The following DAB2IP variants were observed in gnomAD, a reference collection of about 807,000 sequenced individuals.
The protein encoded by DAB2IP is disabled homolog 2-interacting protein.
In DAB2IP, 28 loss-of-function variants were observed where a neutral mutation model predicts 107.2. The observed-to-expected ratio is 0.26, with a 90% CI of 0.19 to 0.36. The LOEUF is 0.36. DAB2IP is among the 10% of genes least tolerant of loss of function. The pLI, the probability that DAB2IP is intolerant of heterozygous loss-of-function variation, is 1.00. For missense variants in DAB2IP, 1,400 were observed against 1,644.7 expected, an observed-to-expected ratio of 0.85 and a Z score of 2.57; for synonymous variants, 755 against 706.4, an observed-to-expected ratio of 1.07 and a Z score of -1.09.
chr9:121,780,437 C>G (rs540746243), intron 14 of DAB2IP, among the ~76,000 whole-genome samples: 1 of 152,180 alleles, frequency 6.6e-6, no homozygotes, highest in Non-Finnish European at 1.5e-5. Flanking sequence ...CAGTGGCTCC[C>G]TGTGTGTCTT....
At chr9:121,752,256 G>T (rs1373033977) in intron 3 of DAB2IP, among the ~76,000 whole-genome samples, 1 of 148,742 alleles carries the variant, frequency 6.7e-6, no homozygotes, top group African/African-American at 2.6e-5. Context: ...GGCCTTCTTC[G>T]TCCCTCCTCC....
chr9:121,569,793 C>A (rs1829891669), intron 1 of DAB2IP, among the ~76,000 whole-genome samples: 1 of 152,222 alleles, frequency 6.6e-6, no homozygotes, highest in South Asian at 2.1e-4. Flanking sequence ...TGCACTCCAG[C>A]CTGGGCGACA....
rs1376909669 is a variant in DAB2IP at position 121,781,553 on chromosome 9, T to TG, written c.3402+7dup. 3.7e-6 allele frequency: 6 copies of TG among 1,613,366 alleles called. No individual in the cohort carries two copies. The highest frequency in any genetic ancestry group is 8.5e-7 in the Non-Finnish European group (1 of 1,179,900). ...AAACAGAAGATCATTGATGCCCAGGTGGGGGCTCCGGCCCTTTGGTCAGCC... is the reference window on the plus strand; with the variant it reads ...AAACAGAAGATCATTGATGCCCAGGTGGGGGGCTCCGGCCCTTTGGTCAGCC... On this transcript the variant is annotated splice_region_variant and intron_variant, in intron 15 of 15. Transcript: ENST00000408936.
intron 2 of DAB2IP, among the ~76,000 whole-genome samples, chr9:121,690,233 T>C (rs1045095267): frequency 2.2e-4 from 33 of 152,192 alleles, no homozygotes; most frequent in African/African-American, 8.0e-4. Flanking sequence ...TTGCCACTCA[T>C]GCAGTGCACA....
At position 121,760,568 on chromosome 9, in the gene DAB2IP, C is replaced by T. The variant is rs1833815533; in HGVS notation, c.1170+129C>T. ...GCACCGGTCACTACCAGAAGGGCTC[C>T]CTAAACCCAAAAGTTCTATCGTGGG... is the stretch of plus-strand genomic sequence containing the variant. On this transcript the variant is annotated intron_variant, in intron 6 of 15. Coordinates refer to ENST00000408936, the Ensembl canonical transcript of DAB2IP. This position sits in a 1 kb window ranked among gnomAD's most constrained non-coding sequence, Gnocchi z 5.9. 1 of 1,180,200 alleles carries T rather than the reference C, an allele frequency of 8.5e-7. No homozygotes were observed. The highest frequency in any genetic ancestry group is 1.2e-6 in the Non-Finnish European group (1 of 868,532). The allele number at this position is 1,180,200 out of a possible 1,614,324, so 73.1% of individuals were successfully genotyped here. A position where few individuals can be genotyped will look rare whatever the true frequency, so the allele number is the denominator to read the frequency against.
At chr9:121,678,810 C>G in intron 2 of DAB2IP, 29 bp downstream of exon 2, 1 of 1,533,626 alleles carries the variant, frequency 6.5e-7, no homozygotes, top group Non-Finnish European at 8.8e-7. Context: ...CCAACACCGC[C>G]ACTGCCACCA....
In DAB2IP at chr9:121,699,348, G is replaced by T; in HGVS notation, c.252G>T (p.Lys84Asn). Residue 84 changes from lysine to asparagine, a missense_variant, in exon 3 of 16, where the codon AAG becomes AAT. Lys to Asn is a moderately conservative substitution (Grantham distance 94). This residue lies in a region of DAB2IP where 283 missense variants were observed against 237.0 expected (regional missense o/e 1.19). Transcript: ENST00000408936. This position sits in a 1 kb window ranked among gnomAD's most constrained non-coding sequence, Gnocchi z 6.2. ...AGGGCTTCCTCAGCCGCCGCCTCAA[G>T]GGCTCCATCAAGCGCACCAAGAGCC... 1 of 1,463,530 alleles carries T rather than the reference G, an allele frequency of 6.8e-7. No individual in the cohort carries two copies. The highest frequency in any genetic ancestry group is 3.1e-5 in the East Asian group (1 of 32,598). 90.7% of individuals were successfully genotyped at this position (1,463,530 alleles called of 1,614,324 possible).
chr9:121,654,305 G>A (rs1218549444), intron 1 of DAB2IP, among the ~76,000 whole-genome samples: 1 of 152,118 alleles, frequency 6.6e-6, no homozygotes, highest in Non-Finnish European at 1.5e-5. Context: ...GGGTGGGGAA[G>A]AGCAGGCAAC....
At chr9:121,778,042 G>C (rs1340100715) in intron 14 of DAB2IP, among the ~76,000 whole-genome samples, 2 of 152,126 alleles carry the variant, frequency 1.3e-5, no homozygotes, top group African/African-American at 4.8e-5. Flanking sequence ...AGGTACCTTA[G>C]ACTGGGTAAT....
chr9:121,672,189 G>A (rs947379268), intron 1 of DAB2IP, among the ~76,000 whole-genome samples: 9 of 152,150 alleles, frequency 5.9e-5, no homozygotes, highest in African/African-American at 2.2e-4. Flanking sequence ...TGGCATCTGA[G>A]ACTTTTAATT....
chr9:121,588,547 A>G (rs1427913248), intron 1 of DAB2IP, among the ~76,000 whole-genome samples: 38 of 99,978 alleles, frequency 3.8e-4, no homozygotes, highest in African/African-American at 1.2e-3. Flanking sequence ...GGGAAAGGGG[A>G]AGGGTGAAGG....
chr9:121,699,482 T>C lies in DAB2IP; in HGVS notation c.362+24T>C. Reference sequence around the variant, plus strand: ...AGGTGAGCCCGCCGCCGCCGCCCGGTCCCCCGCGCCGCCGCCCCGGGCTGC... The same window carrying C: ...AGGTGAGCCCGCCGCCGCCGCCCGGCCCCCCGCGCCGCCGCCCCGGGCTGC... On this transcript the variant is annotated intron_variant, in intron 3 of 15. Transcript: ENST00000408936. This position sits in a 1 kb window ranked among gnomAD's most constrained non-coding sequence, Gnocchi z 6.2. The C allele has an allele frequency of 1.6e-6, 2 of 1,279,468 alleles. No individual in the cohort carries two copies. The highest frequency in any genetic ancestry group is 2.0e-6 in the Non-Finnish European group (2 of 1,010,034). 79.3% of individuals were successfully genotyped at this position (1,279,468 alleles called of 1,614,324 possible).
At chr9:121,636,062 C>T (rs1832076702) in intron 1 of DAB2IP, among the ~76,000 whole-genome samples, 1 of 152,142 alleles carries the variant, frequency 6.6e-6, no homozygotes, top group Non-Finnish European at 1.5e-5. Context: ...TGCCACCATG[C>T]CCAGCTAATT....
At chr9:121,617,356 T>C (rs377758308) in intron 1 of DAB2IP, among the ~76,000 whole-genome samples, 7 of 151,502 alleles carry the variant, frequency 4.6e-5, no homozygotes, top group East Asian at 3.9e-4. Flanking sequence ...GTGAGGGGAG[T>C]AGCGAGTAAA....
At chr9:121,641,939 C>T (rs9721885) in intron 1 of DAB2IP, among the ~76,000 whole-genome samples, 8,856 of 57,208 alleles carry the variant, frequency 0.15, 827 homozygotes, top group African/African-American at 0.38. Flanking sequence ...CTTTCTTTCT[C>T]TCTTTCTTTC....
chr9:121,695,592 G>A (rs887878585), intron 2 of DAB2IP, among the ~76,000 whole-genome samples: 3 of 152,182 alleles, frequency 2.0e-5, no homozygotes, highest in Non-Finnish European at 4.4e-5. Flanking sequence ...GTCAGCAAGC[G>A]TGGGCTCCTG....
upstream of DAB2IP, chr9:121,651,552 G>A: frequency 1.6e-6 from 1 of 641,474 alleles, no homozygotes; most frequent in Non-Finnish European, 2.0e-6. This position sits in a 1 kb window ranked among gnomAD's most constrained non-coding sequence, Gnocchi z 5.1. Flanking sequence ...GTGCCAGCCC[G>A]GCCTCCGGGT....
At chr9:121,610,797 G>A (rs536843331) in intron 1 of DAB2IP, among the ~76,000 whole-genome samples, 30 of 152,224 alleles carry the variant, frequency 2.0e-4, no homozygotes, top group African/African-American at 7.0e-4. Context: ...GAGGAAGGGC[G>A]TATTTGAAGA....
chr9:121,770,464 T>C, intron 10 of DAB2IP, 82 bp from the exon 11 acceptor site: 1 of 1,498,298 alleles, frequency 6.7e-7, no homozygotes, highest in Non-Finnish European at 9.1e-7. Context: ...CGCAGTGGTT[T>C]TGAGCCATAG....
Sources: allele counts gnomAD v4.1 joint callset (sites outside exome capture counted in the v4.1 genomes callset), GRCh38; gene constraint gnomAD v4.1.1; regional missense constraint gnomAD v4.1.1; non-coding constraint Gnocchi (gnomAD v3.1); transcripts MANE v1.5; gene names NCBI Gene and HGNC (gene_info 2026-07-23, HGNC 2026-07-21).